The following ARHGEF3 variants were observed in gnomAD, a reference collection of about 807,000 sequenced individuals.
ARHGEF3 encodes 59.8 kDA protein.
ARHGEF3 carries 28 observed loss-of-function variants against 63.2 expected under a neutral mutation model. The ratio of observed to expected loss-of-function variants is 0.44; its 90% confidence interval spans 0.33 to 0.61. ARHGEF3 has a LOEUF of 0.61. Ranked by LOEUF, ARHGEF3 falls within the 20% of genes least tolerant of loss-of-function variation. The probability of loss-of-function intolerance (pLI) is 0.03; values close to 1 mark genes in which losing one functional copy is unlikely to be tolerated. For missense variants in ARHGEF3, 533 were observed against 659.3 expected, an observed-to-expected ratio of 0.81 and a Z score of 2.10; for synonymous variants, 266 against 254.2, an observed-to-expected ratio of 1.05 and a Z score of -0.44.
intron 1 of ARHGEF3, among the ~76,000 whole-genome samples, chr3:56,784,464 T>C (rs1394089576): frequency 7.9e-5 from 12 of 152,036 alleles, no homozygotes; most frequent in Admixed American, 5.9e-4. Context: ...GTAGAAAAGA[T>C]CTCCTGGTCA....
rs143731072 is a variant in ARHGEF3, at chr3:56,867,209, T to C, written c.192+15083A>G. ...TTACAGTAACCTTCCAAAGACAGCA[T>C]GTAACATATGAACAACCAAGTAGCC... On this transcript the variant is annotated intron_variant, in intron 4 of 12. Coordinates refer to the ARHGEF3 transcript ENST00000338458. 3.3e-3 allele frequency among the ~76,000 whole-genome samples: 501 copies of C among 152,286 alleles called. 1 individual carries two copies. The highest frequency in any genetic ancestry group is 0.011 in the African/African-American group (474 of 41,562).
chr3:57,055,706 A>G (rs1033962909), intron 1 of ARHGEF3, among the ~76,000 whole-genome samples: 2 of 152,162 alleles, frequency 1.3e-5, no homozygotes, highest in Non-Finnish European at 2.9e-5. Flanking sequence ...TGTTACCTCC[A>G]GAGGAAGGTG....
chr3:56,868,583 G>A (rs1248674611), intron 4 of ARHGEF3, among the ~76,000 whole-genome samples: 1 of 151,986 alleles, frequency 6.6e-6, no homozygotes, highest in Non-Finnish European at 1.5e-5. Flanking sequence ...GGCTGGTCTC[G>A]AACTCCTGGC....
rs373660462 is a variant in ARHGEF3 at position 57,037,649 on chromosome 3, C to T, written c.-27-2473G>A. Among the ~76,000 whole-genome samples the T allele has an allele frequency of 3.3e-5, 5 of 152,144 alleles. No homozygotes were observed. In the South Asian group the frequency reaches 1.0e-3, roughly 31 times the overall value. On this transcript the variant is annotated intron_variant, in intron 1 of 12. Coordinates refer to the ARHGEF3 transcript ENST00000338458. ...CAGCACTTTGGGAGGCCGAGGCAGGCGGATCACGAGGTCAGGAGATCGAGA... is the reference window on the plus strand; with the variant it reads ...CAGCACTTTGGGAGGCCGAGGCAGGTGGATCACGAGGTCAGGAGATCGAGA...
intron 4 of ARHGEF3, among the ~76,000 whole-genome samples, chr3:56,843,282 C>T (rs1439326699): frequency 6.6e-6 from 1 of 152,058 alleles, no homozygotes; most frequent in African/African-American, 2.4e-5. Flanking sequence ...TTTTCTAAGA[C>T]AGGGTCTCAC....
intron 8 of ARHGEF3, among the ~76,000 whole-genome samples, chr3:56,733,984 CAAAAAA>C (rs777924213): frequency 5.4e-5 from 3 of 55,116 alleles, no homozygotes; most frequent in African/African-American, 1.4e-4. Context: ...AATTCTGTCT[CAAAAAA>C]AAAAAAAAAA....
chr3:57,047,440 CA>C (rs1192182791), intron 1 of ARHGEF3, among the ~76,000 whole-genome samples: 1 of 152,018 alleles, frequency 6.6e-6, no homozygotes, highest in African/African-American at 2.4e-5. Flanking sequence ...GACTTAAATT[CA>C]TTCGACCTCT....
At chr3:56,850,663 G>T (rs1344739129) in intron 4 of ARHGEF3, among the ~76,000 whole-genome samples, 1 of 152,188 alleles carries the variant, frequency 6.6e-6, no homozygotes, top group Non-Finnish European at 1.5e-5. Flanking sequence ...TTACAAAATT[G>T]AATTGTGTAT....
At chr3:56,754,506 C>T (rs2034949214) in intron 3 of ARHGEF3, among the ~76,000 whole-genome samples, 1 of 152,162 alleles carries the variant, frequency 6.6e-6, no homozygotes, top group Non-Finnish European at 1.5e-5. Flanking sequence ...CACAGCCTGG[C>T]ACAAGCACTT....
intron 4 of ARHGEF3, among the ~76,000 whole-genome samples, chr3:56,864,381 T>A (rs1356662731): frequency 6.6e-6 from 1 of 152,212 alleles, no homozygotes; most frequent in Non-Finnish European, 1.5e-5. Context: ...ACTCTCCTCT[T>A]TAACCTGGTT....
chr3:56,809,276 A>T (rs185820677), intron 4 of ARHGEF3, among the ~76,000 whole-genome samples: 18 of 152,344 alleles, frequency 1.2e-4, no homozygotes, highest in Admixed American at 1.2e-3. Context: ...GTACACAAAT[A>T]TACTTTAAAA....
At chr3:56,747,308 C>T (rs573151415) in intron 6 of ARHGEF3, among the ~76,000 whole-genome samples, 32 of 152,294 alleles carry the variant, frequency 2.1e-4, no homozygotes, top group South Asian at 4.1e-4. Context: ...GTCCAATGGG[C>T]CACTGCTCCC....
At chr3:57,065,844 C>T (rs1012235028) in intron 1 of ARHGEF3, among the ~76,000 whole-genome samples, 13 of 152,098 alleles carry the variant, frequency 8.5e-5, no homozygotes, top group Admixed American at 7.2e-4. Flanking sequence ...GCTAGATCTA[C>T]GGAGCATGCA....
intron 3 of ARHGEF3, among the ~76,000 whole-genome samples, chr3:56,950,443 A>T (rs527296484): frequency 1.7e-5 from 2 of 119,544 alleles, no homozygotes; most frequent in South Asian, 5.0e-4. Context: ...AGAAAAAAAG[A>T]AACAACCCCA....
chr3:56,980,471 A>G (rs1244899960), intron 2 of ARHGEF3, among the ~76,000 whole-genome samples: 1 of 152,244 alleles, frequency 6.6e-6, no homozygotes, highest in African/African-American at 2.4e-5. Context: ...GAAAGGCTAA[A>G]AACTGTAAGG....
In ARHGEF3 at chr3:56,758,756, C is replaced by T. The variant is rs574271516; in HGVS notation, c.205-3605G>A. Among the ~76,000 whole-genome samples the T allele has an allele frequency of 3.3e-5, 5 of 152,256 alleles. No homozygotes were observed. In the South Asian group the frequency reaches 1.0e-3, roughly 32 times the overall value. On this transcript the variant is annotated intron_variant, in intron 2 of 9. Transcript: ENST00000296315. Reference sequence around the variant, plus strand: ...AACCAGGAACTAAATGCACACAGATCGCCAGCACTCGGAATCAATTAGCCA... The same window carrying T: ...AACCAGGAACTAAATGCACACAGATTGCCAGCACTCGGAATCAATTAGCCA...
intron 2 of ARHGEF3, among the ~76,000 whole-genome samples, chr3:56,966,837 C>CT (rs1156630461): frequency 3.6e-3 from 519 of 145,570 alleles, no homozygotes; most frequent in African/African-American, 0.012. Context: ...CTCTGTCAGC[C>CT]TTTTTTTTTT....
At chr3:56,789,353 T>A (rs1348588400) in intron 1 of ARHGEF3, among the ~76,000 whole-genome samples, 14 of 152,212 alleles carry the variant, frequency 9.2e-5, no homozygotes, top group Non-Finnish European at 2.9e-5. Context: ...AGGAACAGGA[T>A]GGTTTGAATC....
intron 4 of ARHGEF3, among the ~76,000 whole-genome samples, chr3:56,858,339 T>C (rs1245384772): frequency 6.6e-6 from 1 of 151,670 alleles, no homozygotes; most frequent in Admixed American, 6.6e-5. Flanking sequence ...TATAGCTGAG[T>C]ACATTTTTCC....
Sources: allele counts gnomAD v4.1 joint callset (sites outside exome capture counted in the v4.1 genomes callset), GRCh38; gene constraint gnomAD v4.1.1; transcripts MANE v1.5; gene names NCBI Gene and HGNC (gene_info 2026-07-23, HGNC 2026-07-21).